TRERF1: variants seen among roughly 807,000 people sequenced by gnomAD.
TRERF1 encodes the protein transcriptional regulating factor 1.
TRERF1 carries 27 observed loss-of-function variants against 122.9 expected under a neutral mutation model. The observed-to-expected ratio is 0.22, with a 90% CI of 0.16 to 0.30. The LOEUF is 0.30. TRERF1 is among the 10% of genes least tolerant of loss of function. TRERF1 has a pLI of 1.00. For synonymous variants in TRERF1, 636 were observed against 641.7 expected (o/e 0.99, Z 0.13); for missense variants, 1,248 against 1,560.3 (o/e 0.80, Z 3.37).
At chr6:42,244,545 T>C (rs556554373) in intron 14 of TRERF1, among the ~76,000 whole-genome samples, 191 of 152,170 alleles carry the variant, frequency 1.3e-3, no homozygotes, top group Non-Finnish European at 2.4e-3. Context: ...CCCACCATCT[T>C]TCCTCACAAA....
chr6:42,445,674 A>G (rs1473352248), intron 2 of TRERF1, among the ~76,000 whole-genome samples: 1 of 152,062 alleles, frequency 6.6e-6, no homozygotes, highest in Non-Finnish European at 1.5e-5. Context: ...TCAACTGCAC[A>G]AGCCAGAAAC....
intron 14 of TRERF1, among the ~76,000 whole-genome samples, chr6:42,244,910 G>A (rs1774481441): frequency 6.6e-6 from 1 of 152,216 alleles, no homozygotes; most frequent in South Asian, 2.1e-4. Flanking sequence ...GTGTAATAAC[G>A]TGGGTTTGCT....
At chr6:42,430,128 C>A (rs1269594417) in intron 2 of TRERF1, among the ~76,000 whole-genome samples, 1 of 151,742 alleles carries the variant, frequency 6.6e-6, no homozygotes, top group African/African-American at 2.4e-5. Flanking sequence ...GGGCTAAGGA[C>A]TACTGTATGG....
At chr6:42,285,712 A>C (rs1783081639) in intron 4 of TRERF1, among the ~76,000 whole-genome samples, 1 of 152,174 alleles carries the variant, frequency 6.6e-6, no homozygotes, top group Non-Finnish European at 1.5e-5. Context: ...AATTTTGTCA[A>C]AGGCTTTTTC....
rs763291411 is a variant in TRERF1 at position 42,243,248 on chromosome 6, C to T, written c.2859G>A (p.Val953=). 2.3e-4 allele frequency: 366 copies of T among 1,613,516 alleles called. No individual in the cohort carries two copies. The highest frequency in any genetic ancestry group is 3.1e-4 in the Non-Finnish European group (360 of 1,179,568). ...GCAACAACTTAGCAGCTTCACTCAC[C>T]ACACAATCGTCGATGATTTCTGCCA... The change falls in exon 15 of 18, where the codon GTG becomes GTA. Residue 953 remains valine, a splice_region_variant and synonymous_variant. Transcript: ENST00000372922.
At chr6:42,408,227 A>ATATATATATATATATATATG (rs150915297) in intron 2 of TRERF1, among the ~76,000 whole-genome samples, 5 of 116,704 alleles carry the variant, frequency 4.3e-5, no homozygotes, top group Non-Finnish European at 8.4e-5. Flanking sequence ...ATATATATAT[A>ATATATATATATATATATATG]TGTGTGTGTG....
chr6:42,356,838 C>T (rs543450917), intron 3 of TRERF1, among the ~76,000 whole-genome samples: 1 of 152,192 alleles, frequency 6.6e-6, no homozygotes, highest in South Asian at 2.1e-4. Context: ...TCCCAAAGTG[C>T]TGGGATTACA....
chr6:42,256,916 T>C, intron 11 of TRERF1, 47 bp downstream of exon 11: 2 of 1,613,430 alleles, frequency 1.2e-6, no homozygotes, highest in Non-Finnish European at 1.7e-6. Flanking sequence ...GTGATCTCAG[T>C]GAGAGAATCA....
At chr6:42,254,167 C>A (rs1011770198) in intron 13 of TRERF1, among the ~76,000 whole-genome samples, 1 of 152,148 alleles carries the variant, frequency 6.6e-6, no homozygotes, top group Non-Finnish European at 1.5e-5. Context: ...AATTCACATA[C>A]AAAACCCTGC....
At chr6:42,333,998 TACACACAC>T (rs3997687) in intron 3 of TRERF1, among the ~76,000 whole-genome samples, 229 of 147,160 alleles carry the variant, frequency 1.6e-3, no homozygotes, top group South Asian at 5.4e-3. Flanking sequence ...ACACATACAC[TACACACAC>T]ACACACACAC....
At chr6:42,243,582 ATT>A (rs879346237) in intron 14 of TRERF1, among the ~76,000 whole-genome samples, 6 of 142,300 alleles carry the variant, frequency 4.2e-5, no homozygotes, top group Middle Eastern at 3.7e-3. Flanking sequence ...ACCATTCCAG[ATT>A]TTTTTTTTTT....
rs546351244 is a variant in TRERF1, at chr6:42,255,831, G to A, written c.2580+897C>T. Among the ~76,000 whole-genome samples, 3 of 152,134 alleles carry A rather than the reference G, an allele frequency of 2.0e-5. No individual in the cohort carries two copies. In the South Asian group the frequency reaches 6.2e-4, roughly 32 times the overall value. Reference sequence around the variant, plus strand: ...CAGAGGTTAGTGATTGAGTGATCTGGTCAGAAGTCCAGGATGAGGCTGGGT... The same window carrying A: ...CAGAGGTTAGTGATTGAGTGATCTGATCAGAAGTCCAGGATGAGGCTGGGT... On this transcript the variant is annotated intron_variant, in intron 12 of 17. Coordinates refer to ENST00000372922, the Ensembl canonical transcript of TRERF1.
intron 2 of TRERF1, among the ~76,000 whole-genome samples, chr6:42,429,145 C>T (rs1039403958): frequency 6.6e-6 from 1 of 152,228 alleles, no homozygotes; most frequent in East Asian, 1.9e-4. Context: ...GGACCACACT[C>T]CTAATTTCTC....
intron 2 of TRERF1, among the ~76,000 whole-genome samples, chr6:42,376,638 G>A (rs1308159692): frequency 2.7e-5 from 4 of 150,068 alleles, no homozygotes; most frequent in Non-Finnish European, 4.4e-5. Flanking sequence ...TGCCTCTCGG[G>A]TTCAAGCGAT....
intron 13 of TRERF1, among the ~76,000 whole-genome samples, chr6:42,247,903 T>C (rs1775082229): frequency 6.6e-6 from 1 of 152,118 alleles, no homozygotes; most frequent in Non-Finnish European, 1.5e-5. Context: ...CTAGACTTCA[T>C]TAGTGGGGTA....
chr6:42,376,174 C>G (rs1034492622), intron 2 of TRERF1, among the ~76,000 whole-genome samples: 1 of 152,166 alleles, frequency 6.6e-6, no homozygotes, highest in African/African-American at 2.4e-5. Flanking sequence ...CACTCCCACC[C>G]CAAACAAAAT....
At chr6:42,434,683 C>G (rs1180105503) in intron 2 of TRERF1, among the ~76,000 whole-genome samples, 11 of 150,722 alleles carry the variant, frequency 7.3e-5, no homozygotes, top group African/African-American at 2.0e-4. Context: ...CACACACACA[C>G]ACACACACAC....
chr6:42,324,807 A>C (rs1245699032), intron 3 of TRERF1, among the ~76,000 whole-genome samples: 2 of 152,230 alleles, frequency 1.3e-5, no homozygotes, highest in Admixed American at 1.3e-4. Flanking sequence ...TCCTAGAAGA[A>C]AACCTAGGAA....
chr6:42,314,547 C>T (rs1369398040), intron 3 of TRERF1, among the ~76,000 whole-genome samples: 1 of 152,192 alleles, frequency 6.6e-6, no homozygotes, highest in Non-Finnish European at 1.5e-5. Context: ...AGACAAAACT[C>T]CCTGCCCTCA....
Sources: gnomAD v4.1 joint callset for allele counts (sites outside exome capture counted in the v4.1 genomes callset) on GRCh38, gnomAD v4.1.1 for gene constraint, MANE v1.5 for transcripts, NCBI Gene and HGNC (gene_info 2026-07-23, HGNC 2026-07-21) for gene names.